Variants in ANK3 observed in about 807,000 individuals in gnomAD.
ANK3 encodes ankyrin 3.
A neutral mutation model predicts 370.9 loss-of-function variants in ANK3; 57 were observed. The observed-to-expected ratio is 0.15, with a 90% CI of 0.12 to 0.19. ANK3 has a LOEUF of 0.19. Among genes scored for constraint, ANK3 ranks in the 10% least tolerant of loss-of-function variants. The probability of loss-of-function intolerance (pLI) is 1.00; values close to 1 mark genes in which losing one functional copy is unlikely to be tolerated. For synonymous variants in ANK3, 1,929 were observed against 1,946.3 expected (o/e 0.99, Z 0.23); for missense variants, 4,439 against 5,302.1 (o/e 0.84, Z 5.06).
At chr10:60,668,051 C>T (rs1249292779) in intron 1 of ANK3, among the ~76,000 whole-genome samples, 1 of 151,500 alleles carries the variant, frequency 6.6e-6, no homozygotes, top group Non-Finnish European at 1.5e-5. Context: ...ATGATGCTGG[C>T]TTGCAGAATC....
intron 25 of ANK3, among the ~76,000 whole-genome samples, chr10:60,121,095 T>C (rs765613301): frequency 2.6e-5 from 4 of 151,910 alleles, no homozygotes; most frequent in South Asian, 2.1e-4. Flanking sequence ...AGAAAATACA[T>C]ACACAATGGA....
At position 60,695,141 on chromosome 10, in the gene ANK3, G is replaced by A. The variant is rs1177717727; in HGVS notation, c.57+38122C>T. On this transcript the variant is annotated intron_variant, in intron 1 of 43. Coordinates refer to the ANK3 transcript ENST00000373827. ...GACTTTAAACCAACAAAGATCAAAA[G>A]AGACAAAGAAGTCCATTACATAATG... is the stretch of plus-strand genomic sequence containing the variant. Among the ~76,000 whole-genome samples the A allele has an allele frequency of 4.6e-5, 7 of 151,920 alleles. No homozygotes were observed. The East Asian group carries it at 1.4e-3, about 29-fold the overall frequency.
rs777474903 is a variant in ANK3, at chr10:60,074,028, C to G, written c.6853G>C (p.Asp2285His). The G allele has an allele frequency of 1.1e-5, 18 of 1,613,988 alleles. No individual in the cohort carries two copies. Among genetic ancestry groups the G allele is most frequent in the Non-Finnish European group, 1.4e-5 (17 of 1,180,006 alleles). The change falls in exon 37 of 44, where the codon GAT (aspartate) becomes CAT (histidine). Residue 2285 changes from aspartate (D) to histidine (H), a missense_variant. Physicochemically the swap from Asp to His is moderately conservative, Grantham distance 81. Around this residue, in one of 13 missense-constraint regions of ANK3, gnomAD observed 1,601 missense variants for 1,731.7 expected, o/e 0.92. Transcript: ENST00000280772. ...DIMKAFQSGR[D>H]PSKELAGLFE... ...AGACCTGCCAGTTCTTTGGAAGGAT[C>G]CCGCCCGGACTGAAAGGCCTTCATG...
At chr10:60,065,221 G>A (rs975457594) in intron 38 of ANK3, among the ~76,000 whole-genome samples, 1 of 152,176 alleles carries the variant, frequency 6.6e-6, no homozygotes, top group East Asian at 1.9e-4. Context: ...ATTCAATCTT[G>A]TAAATTGCAG....
intron 2 of ANK3, among the ~76,000 whole-genome samples, chr10:60,426,849 T>A: frequency 6.6e-6 from 1 of 152,094 alleles, no homozygotes; most frequent in East Asian, 1.9e-4. Flanking sequence ...TGGGAATAGA[T>A]CCTATGAAAA....
intron 2 of ANK3, among the ~76,000 whole-genome samples, chr10:60,460,145 G>A (rs188887244): frequency 7.9e-5 from 12 of 152,194 alleles, no homozygotes; most frequent in African/African-American, 1.9e-4. Flanking sequence ...TTAGCTGTAC[G>A]ATCCCTTCAC....
intron 1 of ANK3, among the ~76,000 whole-genome samples, chr10:60,715,127 TTCTGTAAACCTAAAA>T (rs375417262): frequency 0.31 from 46,502 of 151,680 alleles, 7,453 homozygotes; most frequent in South Asian, 0.48. Flanking sequence ...TACTCCATTT[TTCTGTAAACCTAAAA>T]CTGCTCTAGA....
intron 1 of ANK3, among the ~76,000 whole-genome samples, chr10:60,633,025 C>A (rs2078505989): frequency 1.3e-5 from 2 of 152,026 alleles, no homozygotes; most frequent in Admixed American, 1.3e-4. Flanking sequence ...TCCAGATAGA[C>A]TAGTGTATAT....
intron 14 of ANK3, among the ~76,000 whole-genome samples, chr10:60,197,483 C>A (rs1335660046): frequency 1.3e-5 from 2 of 152,094 alleles, no homozygotes; most frequent in South Asian, 4.1e-4. Flanking sequence ...TGGTGAAATG[C>A]CTGAATACTC....
intron 8 of ANK3, among the ~76,000 whole-genome samples, chr10:60,229,474 CAAT>C (rs1184016993): frequency 6.6e-6 from 1 of 152,158 alleles, no homozygotes; most frequent in African/African-American, 2.4e-5. Flanking sequence ...AAGTCAGTAT[CAAT>C]AATTCTTTTT....
intron 1 of ANK3, among the ~76,000 whole-genome samples, chr10:60,308,295 C>CT (rs66593889): frequency 0.23 from 18,929 of 84,082 alleles, 2,247 homozygotes; most frequent in East Asian, 0.32. Context: ...GGGAATCTGG[C>CT]TTTTTTTTTT....
chr10:60,375,558 G>A (rs572889084), intron 1 of ANK3, among the ~76,000 whole-genome samples: 87 of 152,098 alleles, frequency 5.7e-4, no homozygotes, highest in Non-Finnish European at 1.0e-3. Flanking sequence ...GCAGGCCGAG[G>A]CACCTTCACT....
At chr10:60,492,706 C>CAAAAAAAAAAAAAAAAAAAA (rs764367710) in intron 2 of ANK3, among the ~76,000 whole-genome samples, 1 of 57,524 alleles carries the variant, frequency 1.7e-5, no homozygotes, top group African/African-American at 7.4e-5. Context: ...GACTCTGTCT[C>CAAAAAAAAAAAAAAAAAAAA]AAAAAAAAAA....
intron 2 of ANK3, among the ~76,000 whole-genome samples, chr10:60,550,606 C>A (rs1197939694): frequency 6.6e-6 from 1 of 151,836 alleles, no homozygotes; most frequent in Non-Finnish European, 1.5e-5. Context: ...GTAAAATACA[C>A]TCTCTAAAAA....
At chr10:60,397,392 C>A (rs2063264299) in intron 2 of ANK3, among the ~76,000 whole-genome samples, 1 of 152,226 alleles carries the variant, frequency 6.6e-6, no homozygotes, top group East Asian at 1.9e-4. Context: ...ATGGAAAGGG[C>A]TACATGTAGA....
chr10:60,557,244 A>C (rs916982486), intron 2 of ANK3, among the ~76,000 whole-genome samples: 2 of 152,212 alleles, frequency 1.3e-5, no homozygotes, highest in African/African-American at 2.4e-5. Flanking sequence ...AAACAACCCA[A>C]ATGTCCATCA....
At chr10:60,195,196 G>A (rs958032856) in intron 16 of ANK3, among the ~76,000 whole-genome samples, 4 of 152,044 alleles carry the variant, frequency 2.6e-5, no homozygotes, top group Admixed American at 2.6e-4. Flanking sequence ...GACCATCCTG[G>A]CTACGGTGAA....
intron 2 of ANK3, among the ~76,000 whole-genome samples, chr10:60,480,325 A>G (rs547716088): frequency 5.5e-4 from 84 of 152,350 alleles, no homozygotes; most frequent in African/African-American, 1.9e-3. Flanking sequence ...ATGGGCACAG[A>G]CGAATGCTTA....
rs766194973 is a variant in ANK3 at position 60,073,235 on chromosome 10, C to G, written c.7646G>C (p.Ser2549Thr). ...CATCCACATGGCATGTTTTGGACTA[C>G]TAACATTGCCAGAATAGTGCAACAC... ...VTVLHYSGNV[S>T]SPKHAMWMRF... The change falls in exon 37 of 44, where the codon AGT becomes ACT. Residue 2549 changes from serine (S) to threonine (T), a missense_variant. By Grantham distance (58) the Ser-to-Thr change is moderately conservative (BLOSUM62 1). Coordinates refer to ENST00000280772, the MANE Select transcript of ANK3 (RefSeq NM_020987.5). 9.3e-6 allele frequency: 15 copies of G among 1,614,034 alleles called. No individual in the cohort carries two copies. The Admixed American group carries it at 2.5e-4, about 27-fold the overall frequency.
Sources: gnomAD v4.1 joint callset for allele counts (sites outside exome capture counted in the v4.1 genomes callset) on GRCh38, gnomAD v4.1.1 for gene constraint, gnomAD v4.1.1 regional missense constraint, MANE v1.5 for transcripts, NCBI Gene and HGNC (gene_info 2026-07-23, HGNC 2026-07-21) for gene names.